Variants in PDE1A observed in about 807,000 individuals in gnomAD.
PDE1A encodes phosphodiesterase 1A, also known as dual specificity calcium/calmodulin-dependent 3',5'-cyclic nucleotide phosphodiesterase 1A.
A neutral mutation model predicts 61.7 loss-of-function variants in PDE1A; 35 were observed. That is an observed-to-expected ratio of 0.57 (90% CI 0.43 to 0.75). The LOEUF is 0.75. PDE1A is among the 30% of genes least tolerant of loss of function. The probability of loss-of-function intolerance (pLI) is 0.00; values close to 1 mark genes in which losing one functional copy is unlikely to be tolerated. For synonymous variants in PDE1A, 232 were observed against 213.2 expected, an observed-to-expected ratio of 1.09 and a Z score of -0.77; for missense variants, 597 against 630.6, an observed-to-expected ratio of 0.95 and a Z score of 0.57.
chr2:182,297,900 C>G (rs762239894), intron 1 of PDE1A, among the ~76,000 whole-genome samples: 1 of 152,184 alleles, frequency 6.6e-6, no homozygotes, highest in Non-Finnish European at 1.5e-5. Context: ...TGGTAACTTG[C>G]TAAAGAACAC....
At chr2:182,463,047 C>T (rs1028977104) in intron 2 of PDE1A, among the ~76,000 whole-genome samples, 2 of 151,950 alleles carry the variant, frequency 1.3e-5, no homozygotes, top group Non-Finnish European at 2.9e-5. Flanking sequence ...TCGAGACCAG[C>T]CTGGCCAACG....
intron 1 of PDE1A, among the ~76,000 whole-genome samples, chr2:182,338,311 C>T (rs1697969469): frequency 6.6e-6 from 1 of 152,206 alleles, no homozygotes; most frequent in South Asian, 2.1e-4. Context: ...TAATATCACT[C>T]ACTTCACAGG....
chr2:182,349,630 T>C (rs1368860085), intron 1 of PDE1A, among the ~76,000 whole-genome samples: 1 of 151,994 alleles, frequency 6.6e-6, no homozygotes, highest in Non-Finnish European at 1.5e-5. Context: ...TGGTACTTGA[T>C]CTGAAAATTA....
chr2:182,567,368 A>T, the PDE1A span, among the ~76,000 whole-genome samples: 1 of 152,236 alleles, frequency 6.6e-6, no homozygotes, highest in Non-Finnish European at 1.5e-5. Context: ...TTATAGCAGA[A>T]GTACTATTCA....
chr2:182,149,218 G>A (rs1690648946), intron 13 of PDE1A, among the ~76,000 whole-genome samples: 1 of 152,056 alleles, frequency 6.6e-6, no homozygotes, highest in Non-Finnish European at 1.5e-5. Flanking sequence ...AAATTTTTTA[G>A]AGAACTTTTT....
intron 2 of PDE1A, among the ~76,000 whole-genome samples, chr2:182,476,231 C>T (rs531381328): frequency 2.6e-4 from 40 of 151,930 alleles, no homozygotes; most frequent in Non-Finnish European, 4.9e-4. Flanking sequence ...TGGTTCACAC[C>T]TGTAATCCCA....
chr2:182,185,996 G>A (rs758316258), exon 13 of PDE1A: 2 of 1,614,034 alleles, frequency 1.2e-6, no homozygotes, highest in South Asian at 1.1e-5. Flanking sequence ...GTAGTCTGGG[G>A]AATAGGACCC....
intron 1 of PDE1A, among the ~76,000 whole-genome samples, chr2:182,387,368 G>A (rs1038946412): frequency 2.0e-5 from 3 of 150,568 alleles, no homozygotes; most frequent in South Asian, 4.2e-4. Context: ...ATTGTCCTAT[G>A]ACCCTGCCAA....
At chr2:182,384,127 C>G (rs1266162957) in intron 1 of PDE1A, among the ~76,000 whole-genome samples, 1 of 152,200 alleles carries the variant, frequency 6.6e-6, no homozygotes, top group Non-Finnish European at 1.5e-5. Context: ...CTCAGTGGCT[C>G]TGAGCTTCTG....
the PDE1A span, among the ~76,000 whole-genome samples, chr2:182,585,727 T>C: frequency 7.2e-5 from 11 of 152,206 alleles, no homozygotes; most frequent in Admixed American, 7.2e-4. Flanking sequence ...TATTCGTTGG[T>C]GGCAAAAATA....
At chr2:182,656,952 C>T in the PDE1A span, among the ~76,000 whole-genome samples, 554 of 152,250 alleles carry the variant, frequency 3.6e-3, 1 homozygote, top group Non-Finnish European at 6.2e-3. Flanking sequence ...TGGCCAGGTG[C>T]GGTGGCTCAT....
At chr2:182,205,193 A>G (rs186752975) in intron 8 of PDE1A, among the ~76,000 whole-genome samples, 138 of 152,302 alleles carry the variant, frequency 9.1e-4, no homozygotes, top group Non-Finnish European at 1.5e-3. Context: ...TGTTCTTACT[A>G]TAAGAGAGTC....
intron 6 of PDE1A, among the ~76,000 whole-genome samples, chr2:182,228,075 G>C (rs1259073075): frequency 6.6e-6 from 1 of 152,102 alleles, no homozygotes; most frequent in East Asian, 1.9e-4. Context: ...ACATTTGAAG[G>C]TGACTTGACA....
exon 15 of PDE1A, chr2:182,141,384 ATCT>A (rs1310047554): frequency 9.2e-5 from 14 of 152,232 alleles, no homozygotes; most frequent in Admixed American, 1.3e-4. Flanking sequence ...TGATGTACAT[ATCT>A]ATAAATGTTT....
the PDE1A span, among the ~76,000 whole-genome samples, chr2:182,638,525 G>A: frequency 0.62 from 93,633 of 151,930 alleles, 29,085 homozygotes; most frequent in Admixed American, 0.71. Flanking sequence ...GACAGAGTGG[G>A]ACTCCATCTC....
intron 1 of PDE1A, among the ~76,000 whole-genome samples, chr2:182,274,576 A>C (rs575540853): frequency 6.6e-6 from 1 of 152,244 alleles, no homozygotes; most frequent in South Asian, 2.1e-4. Flanking sequence ...TGTGGCATAA[A>C]AAGCAATCAA....
chr2:182,340,482 A>G (rs1224197120), intron 1 of PDE1A, among the ~76,000 whole-genome samples: 2 of 152,202 alleles, frequency 1.3e-5, no homozygotes, highest in East Asian at 1.9e-4. Context: ...AACTCACTTC[A>G]TGAAATACCT....
chr2:182,189,037 C>A, exon 11 of PDE1A: 2 of 1,612,576 alleles, frequency 1.2e-6, no homozygotes, highest in Non-Finnish European at 8.5e-7. Context: ...AAAATGGAAG[C>A]CCTAATTCAG....
intron 2 of PDE1A, among the ~76,000 whole-genome samples, chr2:182,482,785 C>G (rs911330797): frequency 6.6e-6 from 1 of 151,922 alleles, no homozygotes; most frequent in Non-Finnish European, 1.5e-5. Flanking sequence ...TGATTTGGAA[C>G]AGAGTATGGA....
Sources: gnomAD v4.1 joint callset for allele counts (sites outside exome capture counted in the v4.1 genomes callset) on GRCh38, gnomAD v4.1.1 for gene constraint, MANE v1.5 for transcripts, NCBI Gene and HGNC (gene_info 2026-07-23, HGNC 2026-07-21) for gene names.